The following ATG5 variants were observed in gnomAD, a reference collection of about 807,000 sequenced individuals.
ATG5 encodes the protein autophagy protein 5.
ATG5 carries 14 observed loss-of-function variants against 36.5 expected under a neutral mutation model. That is an observed-to-expected ratio of 0.38 (90% CI 0.25 to 0.60). The LOEUF (loss-of-function observed/expected upper bound fraction) is 0.60. ATG5 is among the 20% of genes least tolerant of loss of function. The pLI, the probability that ATG5 is intolerant of heterozygous loss-of-function variation, is 0.60. For synonymous variants in ATG5, 95 were observed against 101.5 expected (o/e 0.94, Z 0.38); for missense variants, 195 against 326.7 (o/e 0.60, Z 3.11).
chr6:106,210,237 T>A (rs1323745431), intron 6 of ATG5, among the ~76,000 whole-genome samples: 1 of 152,152 alleles, frequency 6.6e-6, no homozygotes, highest in Non-Finnish European at 1.5e-5. Context: ...GTTTTCTCCA[T>A]CCTGGCTGAA....
chr6:106,210,354 A>ATGTAT (rs1776808809), intron 6 of ATG5, among the ~76,000 whole-genome samples: 1 of 152,256 alleles, frequency 6.6e-6, no homozygotes, highest in Non-Finnish European at 1.5e-5. Flanking sequence ...GGTAATTATT[A>ATGTAT]CAATGTATAA....
chr6:106,307,713 T>G (rs1314330138), intron 3 of ATG5, among the ~76,000 whole-genome samples: 2 of 152,060 alleles, frequency 1.3e-5, no homozygotes, highest in African/African-American at 4.8e-5. Flanking sequence ...ATTTTGTATT[T>G]TTAGTAGAGA....
rs73520694 is a variant in ATG5 at position 106,187,065 on chromosome 6, G to A, written c.692-389C>T. On this transcript the variant is annotated intron_variant, in intron 7 of 7. Coordinates refer to ENST00000369076, the MANE Select transcript of ATG5 (RefSeq NM_004849.4). ...TTAAAAATGACAAGTACATGAAGTC[G>A]GTCCATACATATTTTGAAAATGTAA... Among the ~76,000 whole-genome samples the A allele has an allele frequency of 5.4e-3, 826 of 152,164 alleles. 1 individual carries two copies. Among genetic ancestry groups the A allele is most frequent in the African/African-American group, 0.019 (793 of 41,514 alleles).
In ATG5 at chr6:106,310,156, T is replaced by C. The variant is rs144499155; in HGVS notation, c.109-1665A>G. 3.4e-3 allele frequency among the ~76,000 whole-genome samples: 511 copies of C among 152,266 alleles called. 4 individuals are homozygous for C. Among genetic ancestry groups the C allele is most frequent in the Middle Eastern group, 6.8e-3 (2 of 294 alleles). ...AATGCTACATTTCCACTGCCCAAAA[T>C]AGTGCCTGCTTTAAAGGAGGCACAC... On this transcript the variant is annotated intron_variant, in intron 2 of 7. Transcript: ENST00000369076.
At chr6:106,206,137 A>T (rs1776620845) in intron 6 of ATG5, among the ~76,000 whole-genome samples, 1 of 151,832 alleles carries the variant, frequency 6.6e-6, no homozygotes, top group Non-Finnish European at 1.5e-5. Flanking sequence ...CAGTATTAAG[A>T]GGTGAAGCCT....
At chr6:106,209,307 C>T (rs1395055415) in intron 6 of ATG5, among the ~76,000 whole-genome samples, 1 of 152,178 alleles carries the variant, frequency 6.6e-6, no homozygotes, top group African/African-American at 2.4e-5. Context: ...TGCTTATAAA[C>T]TGACTGTAAT....
At chr6:106,214,121 A>T (rs750310003) in intron 6 of ATG5, among the ~76,000 whole-genome samples, 1 of 152,240 alleles carries the variant, frequency 6.6e-6, no homozygotes, top group Non-Finnish European at 1.5e-5. Flanking sequence ...TGTCCCATGC[A>T]TATTTGGCTT....
At chr6:106,233,603 T>C (rs1169114281) in intron 6 of ATG5, among the ~76,000 whole-genome samples, 1 of 152,210 alleles carries the variant, frequency 6.6e-6, no homozygotes, top group East Asian at 1.9e-4. Flanking sequence ...CCTCATTGTT[T>C]ATGGGTAGTG....
chr6:106,305,253 T>C (rs1330267779), intron 3 of ATG5, among the ~76,000 whole-genome samples: 4 of 152,220 alleles, frequency 2.6e-5, no homozygotes, highest in Non-Finnish European at 4.4e-5. Context: ...TACTCCATTC[T>C]GCTATTATCT....
chr6:106,276,823 C>G (rs973777532), intron 5 of ATG5, among the ~76,000 whole-genome samples: 1 of 152,184 alleles, frequency 6.6e-6, no homozygotes, highest in Non-Finnish European at 1.5e-5. Flanking sequence ...CCTAAAATAT[C>G]ATTTAATCTT....
chr6:106,218,655 C>T (rs545855091), intron 6 of ATG5, among the ~76,000 whole-genome samples: 1 of 151,960 alleles, frequency 6.6e-6, no homozygotes, highest in Admixed American at 6.6e-5. Context: ...ATGAAGCATC[C>T]GCAGCTAAAA....
chr6:106,236,927 C>T (rs1479327741), intron 6 of ATG5, among the ~76,000 whole-genome samples: 2 of 152,114 alleles, frequency 1.3e-5, no homozygotes, highest in African/African-American at 4.8e-5. Flanking sequence ...TGTATGCATG[C>T]ACATACATCT....
At chr6:106,273,107 A>C (rs1779514698) in intron 5 of ATG5, among the ~76,000 whole-genome samples, 1 of 152,222 alleles carries the variant, frequency 6.6e-6, no homozygotes, top group Non-Finnish European at 1.5e-5. Flanking sequence ...AAGCTTATCC[A>C]ATATCAGTCT....
chr6:106,280,589 T>C (rs569595206), intron 4 of ATG5, among the ~76,000 whole-genome samples: 13 of 152,204 alleles, frequency 8.5e-5, no homozygotes, highest in East Asian at 3.9e-4. Flanking sequence ...ATTGGACATA[T>C]AGGGAGTTAG....
intron 6 of ATG5, among the ~76,000 whole-genome samples, chr6:106,218,318 A>G (rs1382582745): frequency 6.6e-6 from 1 of 152,130 alleles, no homozygotes; most frequent in Admixed American, 6.5e-5. Flanking sequence ...TTTTATTCAA[A>G]TAATTTTATT....
At position 106,185,162 on chromosome 6, in the gene ATG5, T is replaced by C. The variant is rs1195787093; in HGVS notation, c.*1378A>G. Reference sequence around the variant, plus strand: ...AACTTTATCTAATTTTGTGAAGAAATGTGCTATTAATCAGTGAAAATCGCA... The same window carrying C: ...AACTTTATCTAATTTTGTGAAGAAACGTGCTATTAATCAGTGAAAATCGCA... On this transcript the variant is annotated 3_prime_UTR_variant, in exon 8 of 8. Coordinates refer to ENST00000369076, the MANE Select transcript of ATG5 (RefSeq NM_004849.4). 1 of 152,738 alleles carries C rather than the reference T, an allele frequency of 6.5e-6. No homozygotes were observed. Among genetic ancestry groups the C allele is most frequent in the Non-Finnish European group, 1.5e-5 (1 of 68,012 alleles). The allele number at this position is 152,738 out of a possible 1,614,324, so 9.5% of individuals were successfully genotyped here.
At chr6:106,245,359 G>C (rs1778286998) in intron 6 of ATG5, among the ~76,000 whole-genome samples, 1 of 152,158 alleles carries the variant, frequency 6.6e-6, no homozygotes, top group South Asian at 2.1e-4. Context: ...TATTTGGTCA[G>C]GGCAGACTTC....
chr6:106,187,113 A>G (rs58923051), intron 7 of ATG5, among the ~76,000 whole-genome samples: 3,745 of 152,340 alleles, frequency 0.025, 65 homozygotes, highest in African/African-American at 0.049. Context: ...ACTAGAAATC[A>G]AGAATCAGAT....
intron 6 of ATG5, among the ~76,000 whole-genome samples, chr6:106,202,587 A>C (rs751210580): frequency 6.6e-6 from 1 of 152,222 alleles, no homozygotes; most frequent in Non-Finnish European, 1.5e-5. Flanking sequence ...AGGTACAATA[A>C]GGACAATCCT....
Sources: gnomAD v4.1 joint callset for allele counts (sites outside exome capture counted in the v4.1 genomes callset) on GRCh38, gnomAD v4.1.1 for gene constraint, MANE v1.5 for transcripts, NCBI Gene and HGNC (gene_info 2026-07-23, HGNC 2026-07-21) for gene names.